SGCD: variants seen among roughly 807,000 people sequenced by gnomAD.
The protein encoded by SGCD is sarcoglycan delta.
Under a neutral mutation model 36.6 loss-of-function variants are expected in SGCD, and 18 were observed. The observed-to-expected ratio is 0.49, with a 90% CI of 0.34 to 0.73. SGCD has a LOEUF of 0.73. SGCD is among the 30% of genes least tolerant of loss of function. The pLI, the probability that SGCD is intolerant of heterozygous loss-of-function variation, is 0.01. For missense variants in SGCD, 387 were observed against 346.7 expected, an observed-to-expected ratio of 1.12 and a Z score of -0.92; for synonymous variants, 133 against 130.6, an observed-to-expected ratio of 1.02 and a Z score of -0.12.
intron 3 of SGCD, among the ~76,000 whole-genome samples, chr5:156,382,455 T>C (rs1245557427): frequency 6.6e-6 from 1 of 152,220 alleles, no homozygotes; most frequent in Non-Finnish European, 1.5e-5. Flanking sequence ...AGAACACTCT[T>C]TGGTGTCTTG....
At chr5:156,496,746 T>C (rs769607376) in intron 3 of SGCD, among the ~76,000 whole-genome samples, 12 of 152,028 alleles carry the variant, frequency 7.9e-5, no homozygotes, top group Non-Finnish European at 1.5e-4. Flanking sequence ...GCCAAACCAA[T>C]CATATGTAGG....
chr5:156,413,018 C>T (rs945746895), intron 3 of SGCD, among the ~76,000 whole-genome samples: 2 of 151,758 alleles, frequency 1.3e-5, no homozygotes, highest in African/African-American at 4.8e-5. Flanking sequence ...AGGATGGTCT[C>T]GATCTCCTGA....
chr5:155,985,658 C>T (rs1236116373), intron 1 of SGCD, among the ~76,000 whole-genome samples: 1 of 152,108 alleles, frequency 6.6e-6, no homozygotes, highest in Non-Finnish European at 1.5e-5. Context: ...TGGCTTTCTC[C>T]CCTACTTCTG....
chr5:156,341,657 A>G (rs1032473991), intron 2 of SGCD, among the ~76,000 whole-genome samples: 3 of 152,156 alleles, frequency 2.0e-5, no homozygotes, highest in African/African-American at 4.8e-5. Context: ...CCTGGGTGCT[A>G]CCTCTGTGAT....
chr5:156,297,414 T>A (rs1333035912), intron 3 of SGCD, among the ~76,000 whole-genome samples: 1 of 152,010 alleles, frequency 6.6e-6, no homozygotes, highest in Non-Finnish European at 1.5e-5. Context: ...ATAGACTGGA[T>A]TGAGAAAATG....
At chr5:156,092,210 T>C (rs1455208902) in intron 1 of SGCD, among the ~76,000 whole-genome samples, 2 of 152,240 alleles carry the variant, frequency 1.3e-5, no homozygotes, top group East Asian at 3.8e-4. Context: ...CAGCTATTTC[T>C]GAGTCCTTGC....
intron 1 of SGCD, among the ~76,000 whole-genome samples, chr5:156,113,359 C>T (rs1364178489): frequency 6.6e-6 from 1 of 152,096 alleles, no homozygotes; most frequent in Non-Finnish European, 1.5e-5. Flanking sequence ...ATCTGGCACA[C>T]ATTGAATGAG....
At chr5:156,597,768 C>T (rs1760990785) in intron 6 of SGCD, among the ~76,000 whole-genome samples, 1 of 151,936 alleles carries the variant, frequency 6.6e-6, no homozygotes, top group Admixed American at 6.6e-5. Flanking sequence ...TATAAAAGGT[C>T]TATTGATTAC....
intron 1 of SGCD, among the ~76,000 whole-genome samples, chr5:155,936,185 C>G (rs1429343249): frequency 6.6e-6 from 1 of 152,140 alleles, no homozygotes; most frequent in Non-Finnish European, 1.5e-5. Context: ...TGCAATGTGG[C>G]GAGAAAGGGG....
intron 4 of SGCD, among the ~76,000 whole-genome samples, chr5:156,556,983 G>C (rs1039284425): frequency 4.6e-5 from 7 of 152,174 alleles, no homozygotes; most frequent in Admixed American, 3.3e-4. Context: ...TGAGCTATAA[G>C]TGTACCTTGC....
Position 155,982,465 on chromosome 5 carries a change from T to C in SGCD, c.-282+112041T>C, listed in dbSNP as rs78667460. Among the ~76,000 whole-genome samples, 1,370 of 152,318 alleles carry C rather than the reference T, an allele frequency of 9.0e-3. 10 individuals are homozygous for C. Among genetic ancestry groups the C allele is most frequent in the Non-Finnish European group, 0.014 (930 of 68,028 alleles). Reference sequence around the variant, plus strand: ...CATTTGGACTTTGAAAACATTCTTTTCCAATCTCAGTATACTTGTTTGTAC... The same window carrying C: ...CATTTGGACTTTGAAAACATTCTTTCCCAATCTCAGTATACTTGTTTGTAC... On this transcript the variant is annotated intron_variant, in intron 1 of 9. Coordinates refer to the SGCD transcript ENST00000517913.
At chr5:156,311,912 G>T (rs1767398623) in intron 3 of SGCD, among the ~76,000 whole-genome samples, 1 of 152,158 alleles carries the variant, frequency 6.6e-6, no homozygotes. Context: ...GCTACAAACA[G>T]AGCTTTTATA....
intron 1 of SGCD, among the ~76,000 whole-genome samples, chr5:155,875,339 T>A (rs1222614582): frequency 6.6e-6 from 1 of 152,156 alleles, no homozygotes; most frequent in East Asian, 1.9e-4. Context: ...TAGAATTAAT[T>A]CCATAGGTCA....
intron 3 of SGCD, among the ~76,000 whole-genome samples, chr5:156,348,175 A>G (rs1324893370): frequency 2.0e-5 from 3 of 152,170 alleles, no homozygotes; most frequent in Non-Finnish European, 2.9e-5. Flanking sequence ...TACGTTGGAG[A>G]AAGAGAAAAA....
chr5:156,254,461 A>G (rs558041276), intron 3 of SGCD, among the ~76,000 whole-genome samples: 6 of 152,320 alleles, frequency 3.9e-5, no homozygotes, highest in Admixed American at 3.9e-4. Flanking sequence ...ATTATGTAAG[A>G]AATTGTGTGG....
chr5:156,398,376 A>G (rs1002658974), intron 3 of SGCD, among the ~76,000 whole-genome samples: 1 of 152,176 alleles, frequency 6.6e-6, no homozygotes, highest in African/African-American at 2.4e-5. Flanking sequence ...TGTTGGGGGA[A>G]TGTTCTGAAC....
the SGCD span, among the ~76,000 whole-genome samples, chr5:155,849,553 A>G: frequency 3.9e-5 from 6 of 152,194 alleles, no homozygotes; most frequent in Non-Finnish European, 5.9e-5. Context: ...TGGTAGCTGA[A>G]CTTAAAACTT....
chr5:156,686,990 C>A (rs1753928222), intron 7 of SGCD, among the ~76,000 whole-genome samples: 1 of 152,178 alleles, frequency 6.6e-6, no homozygotes, highest in African/African-American at 2.4e-5. Context: ...CCAAGCAGCT[C>A]TTTGCACAGT....
chr5:155,736,280 C>T, the SGCD span, among the ~76,000 whole-genome samples: 1 of 152,190 alleles, frequency 6.6e-6, no homozygotes, highest in Admixed American at 6.5e-5. Flanking sequence ...ATCTTCCCTG[C>T]ATCCCAAAAA....
Sources: allele counts gnomAD v4.1 joint callset (sites outside exome capture counted in the v4.1 genomes callset), GRCh38; gene constraint gnomAD v4.1.1; transcripts MANE v1.5; gene names NCBI Gene and HGNC (gene_info 2026-07-23, HGNC 2026-07-21).